Variants in CNTNAP2 observed in about 807,000 individuals in gnomAD.
The protein encoded by CNTNAP2 is contactin associated protein 2.
In CNTNAP2, 98 loss-of-function variants were observed where a neutral mutation model predicts 155.2. The ratio of observed to expected loss-of-function variants is 0.63; its 90% CI spans 0.54 to 0.75. The LOEUF (loss-of-function observed/expected upper bound fraction) is 0.75, where lower values mean the gene tolerates loss of function less well. Among genes scored for constraint, CNTNAP2 ranks in the 30% least tolerant of loss-of-function variants. The pLI, the probability that CNTNAP2 is intolerant of heterozygous loss-of-function variation, is 0.00. For missense variants in CNTNAP2, 1,727 were observed against 1,688.1 expected (o/e 1.02, Z -0.40); for synonymous variants, 651 against 631.2 (o/e 1.03, Z -0.47).
intron 2 of CNTNAP2, among the ~76,000 whole-genome samples, chr7:146,833,889 T>C (rs1803562755): frequency 6.6e-6 from 1 of 152,240 alleles, no homozygotes; most frequent in Non-Finnish European, 1.5e-5. Context: ...TCTTATTTTT[T>C]GATCCTGGCT....
chr7:146,241,082 G>C (rs1357290042), intron 1 of CNTNAP2, among the ~76,000 whole-genome samples: 1 of 152,096 alleles, frequency 6.6e-6, no homozygotes, highest in African/African-American at 2.4e-5. Context: ...TGCCAAGATA[G>C]CACCAAGCGG....
intron 4 of CNTNAP2, among the ~76,000 whole-genome samples, chr7:147,047,543 C>T (rs1799389808): frequency 1.3e-5 from 2 of 151,928 alleles, no homozygotes; most frequent in African/African-American, 4.8e-5. Context: ...GTAGTTTTTG[C>T]AGGCAACTCT....
chr7:147,638,673 C>T, intron 12 of CNTNAP2: 3 of 362,792 alleles, frequency 8.3e-6, no homozygotes, highest in Non-Finnish European at 1.7e-5. Flanking sequence ...TGAGAGCAAA[C>T]ACCATGTAGG....
At chr7:146,271,231 C>G (rs996114528) in intron 1 of CNTNAP2, among the ~76,000 whole-genome samples, 2 of 151,942 alleles carry the variant, frequency 1.3e-5, no homozygotes, top group Non-Finnish European at 2.9e-5. Flanking sequence ...ACCTTAACCC[C>G]TGAAACCAAG....
At chr7:146,937,463 T>C (rs1048731593) in intron 3 of CNTNAP2, among the ~76,000 whole-genome samples, 5 of 152,160 alleles carry the variant, frequency 3.3e-5, no homozygotes, top group Admixed American at 3.3e-4. Context: ...TTGTTCTCAC[T>C]AGAGTTAACT....
intron 21 of CNTNAP2, among the ~76,000 whole-genome samples, chr7:148,341,521 A>G (rs1435642620): frequency 1.3e-5 from 2 of 152,132 alleles, no homozygotes; most frequent in South Asian, 4.1e-4. Context: ...GTTACCTAAC[A>G]TTATCCCCAT....
chr7:147,898,453 C>G (rs1563127977), intron 13 of CNTNAP2, among the ~76,000 whole-genome samples: 1 of 152,184 alleles, frequency 6.6e-6, no homozygotes, highest in Non-Finnish European at 1.5e-5. Context: ...CTCATAGAGT[C>G]AAGTGTACAC....
At chr7:147,517,185 C>T (rs535888483) in intron 11 of CNTNAP2, among the ~76,000 whole-genome samples, 48 of 151,926 alleles carry the variant, frequency 3.2e-4, no homozygotes, top group African/African-American at 1.0e-3. Context: ...GTAATGAATT[C>T]GATTAAGATT....
At chr7:147,817,885 A>T (rs1411202911) in intron 13 of CNTNAP2, among the ~76,000 whole-genome samples, 1 of 149,362 alleles carries the variant, frequency 6.7e-6, no homozygotes, top group Non-Finnish European at 1.5e-5. Context: ...AGCCTGGGCA[A>T]CAGAGCGAGA....
rs551198383 is a variant in CNTNAP2, at chr7:147,293,490, A to G, written c.1349-6651A>G. Among the ~76,000 whole-genome samples, 12 of 152,276 alleles carry G rather than the reference A, an allele frequency of 7.9e-5. No homozygotes were observed. In the South Asian group the frequency reaches 2.5e-3, roughly 32 times the overall value. On this transcript the variant is annotated intron_variant, in intron 8 of 23. Transcript: ENST00000361727. ...TTGATTATTAATAAGATATATTAGT[A>G]ACACATCATAGAACCCTGTAACTGC...
chr7:146,143,461 G>A (rs148094543), intron 1 of CNTNAP2, among the ~76,000 whole-genome samples: 261 of 152,092 alleles, frequency 1.7e-3, no homozygotes, highest in African/African-American at 6.0e-3. Context: ...TCTCATTTGA[G>A]TCTCCAGAAA....
rs902055236 is a variant in CNTNAP2, at chr7:147,615,133, G to A, written c.1898-23973G>A. ...AAAGAAAAAAGCCTGATTTAGTAGT[G>A]CACACCTGCAGTCTTAGCTACTTGG... On this transcript the variant is annotated intron_variant, in intron 12 of 23. Transcript: ENST00000361727. Among the ~76,000 whole-genome samples, 9 of 148,746 alleles carry A rather than the reference G, an allele frequency of 6.1e-5. 1 individual carries two copies. Among genetic ancestry groups the A allele is most frequent in the African/African-American group, 2.2e-4 (9 of 40,636 alleles).
chr7:146,521,135 T>C (rs1383713753), intron 1 of CNTNAP2, among the ~76,000 whole-genome samples: 1 of 151,946 alleles, frequency 6.6e-6, no homozygotes, highest in African/African-American at 2.4e-5. Context: ...TAATATGGTC[T>C]GTAACAGAGG....
intron 21 of CNTNAP2, among the ~76,000 whole-genome samples, chr7:148,339,194 G>A (rs938030934): frequency 6.6e-6 from 1 of 151,196 alleles, no homozygotes; most frequent in African/African-American, 2.4e-5. Flanking sequence ...AGCCCTCCTT[G>A]TAGGTCAACA....
chr7:146,204,733 T>C (rs1798920107), intron 1 of CNTNAP2, among the ~76,000 whole-genome samples: 1 of 152,218 alleles, frequency 6.6e-6, no homozygotes, highest in Non-Finnish European at 1.5e-5. Context: ...AAATATCAGC[T>C]CATAATTTTG....
At chr7:147,385,471 C>T (rs1452910558) in intron 9 of CNTNAP2, among the ~76,000 whole-genome samples, 2 of 152,184 alleles carry the variant, frequency 1.3e-5, no homozygotes, top group Non-Finnish European at 2.9e-5. Flanking sequence ...GGCGTACAGG[C>T]ATTGGGTTAC....
At chr7:148,109,470 C>T (rs1028713743) in intron 15 of CNTNAP2, among the ~76,000 whole-genome samples, 7 of 152,186 alleles carry the variant, frequency 4.6e-5, no homozygotes, top group East Asian at 1.9e-4. Context: ...CCGCAACCTC[C>T]GCTTCCCAGG....
At chr7:146,178,090 G>T (rs1417381578) in intron 1 of CNTNAP2, among the ~76,000 whole-genome samples, 7 of 152,092 alleles carry the variant, frequency 4.6e-5, no homozygotes, top group Non-Finnish European at 8.8e-5. Flanking sequence ...CTAGAGTGTA[G>T]TGACGTGATC....
chr7:147,155,192 T>C (rs559379834), intron 8 of CNTNAP2, among the ~76,000 whole-genome samples: 2 of 152,228 alleles, frequency 1.3e-5, no homozygotes, highest in East Asian at 3.9e-4. Context: ...AGTGCCCTTA[T>C]AAAAGAGAGC....
Sources: allele counts gnomAD v4.1 joint callset (sites outside exome capture counted in the v4.1 genomes callset), GRCh38; gene constraint gnomAD v4.1.1; transcripts MANE v1.5; gene names NCBI Gene and HGNC (gene_info 2026-07-23, HGNC 2026-07-21).